Variants in TSC22D1 observed in about 807,000 individuals in gnomAD.
TSC22D1 encodes TSC22 domain family member 1.
TSC22D1 carries 9 observed loss-of-function variants against 74.2 expected under a neutral mutation model. That is an observed-to-expected ratio of 0.12 (90% confidence interval 0.07 to 0.21). The LOEUF (loss-of-function observed/expected upper bound fraction) is 0.21, where lower values mean the gene tolerates loss of function less well. Among genes scored for constraint, TSC22D1 ranks in the 10% least tolerant of loss-of-function variants. The probability of loss-of-function intolerance (pLI) is 1.00; values close to 1 mark genes in which losing one functional copy is unlikely to be tolerated. For synonymous variants in TSC22D1, 586 were observed against 492.5 expected (o/e 1.19, Z -2.51); for missense variants, 1,427 against 1,304.7 (o/e 1.09, Z -1.44).
intron 1 of TSC22D1, among the ~76,000 whole-genome samples, chr13:44,507,877 C>T (rs746411625): frequency 6.6e-6 from 1 of 152,252 alleles, no homozygotes; most frequent in East Asian, 1.9e-4. Context: ...AGATATAAGG[C>T]ACTACGACAG....
chr13:44,523,397 T>C (rs555006457), intron 1 of TSC22D1, among the ~76,000 whole-genome samples: 9 of 152,318 alleles, frequency 5.9e-5, no homozygotes, highest in Admixed American at 2.0e-4. Flanking sequence ...GCAACCAAGC[T>C]GTCCTTCATT....
At position 44,576,050 on chromosome 13, in the gene TSC22D1, C is replaced by T; in HGVS notation, c.25G>A (p.Ala9Thr). ...ATGTCTGCAGCGGCGGCGGCCGCGG[C>T]GGTGGACTCAGGCGGCTGGTGCATT... MHQPPEST[A>T]AAAAAADISA... Residue 9 changes from alanine to threonine, a missense_variant, in exon 1 of 3, where the codon GCC becomes ACC. By Grantham distance (58) the Ala-to-Thr change is moderately conservative (BLOSUM62 0). Around this residue, in one of 3 missense-constraint regions of TSC22D1, gnomAD observed 1,343 missense variants for 1,191.5 expected, o/e 1.13. Coordinates refer to ENST00000458659, the MANE Select transcript of TSC22D1 (RefSeq NM_183422.4). 1.3e-6 allele frequency: 2 copies of T among 1,568,366 alleles called. No homozygotes were observed. The highest frequency in any genetic ancestry group is 1.3e-5 in the African/African-American group (1 of 74,200).
At chr13:44,537,887 ATAT>A in intron 1 of TSC22D1, 1 of 985,178 alleles carries the variant, frequency 1.0e-6, no homozygotes, top group Non-Finnish European at 1.2e-6. Flanking sequence ...AGCTGCTTCC[ATAT>A]TAATAACTCT....
At chr13:44,534,856 A>C (rs1420045242) in intron 1 of TSC22D1, among the ~76,000 whole-genome samples, 1 of 152,170 alleles carries the variant, frequency 6.6e-6, no homozygotes, top group Non-Finnish European at 1.5e-5. Flanking sequence ...ATCTGCAAAA[A>C]TTTTGCCAAA....
intron 1 of TSC22D1, among the ~76,000 whole-genome samples, chr13:44,551,389 G>GGTGGGTGGGTGTGT (rs1298469090): frequency 3.2e-5 from 4 of 125,252 alleles, no homozygotes; most frequent in African/African-American, 9.4e-5. Flanking sequence ...CAATCAGATG[G>GGTGGGTGGGTGTGT]GTGTGTGTGT....
chr13:44,466,036 CTGTT>C (rs1242776232), intron 1 of TSC22D1, among the ~76,000 whole-genome samples: 2 of 152,130 alleles, frequency 1.3e-5, no homozygotes, highest in East Asian at 1.9e-4. Flanking sequence ...GCAAATAAGA[CTGTT>C]TGTTCATTTT....
Position 44,447,385 on chromosome 13 carries a change from G to A in TSC22D1, c.2913-11290C>T, listed in dbSNP as rs117410494. Among the ~76,000 whole-genome samples the A allele has an allele frequency of 8.0e-3, 1,217 of 152,028 alleles. 4 individuals carry two copies. The highest frequency in any genetic ancestry group is 0.013 in the Non-Finnish European group (874 of 67,962). On this transcript the variant is annotated intron_variant, in intron 1 of 2. Transcript: ENST00000458659. ...GCAAGGACTTAAATATATTCATTGA[G>A]GAGACCTAAAAATGCCTATTTTATA...
intron 1 of TSC22D1, among the ~76,000 whole-genome samples, chr13:44,563,104 CAA>C (rs771465488): frequency 6.6e-5 from 8 of 121,000 alleles, no homozygotes; most frequent in African/African-American, 1.2e-4. Context: ...AACTCCATCT[CAA>C]AAAAAAAAAA....
intron 1 of TSC22D1, among the ~76,000 whole-genome samples, chr13:44,561,986 A>G (rs1300882142): frequency 6.6e-6 from 1 of 152,178 alleles, no homozygotes; most frequent in Non-Finnish European, 1.5e-5. Flanking sequence ...TCTTTCAGAT[A>G]CCTAAGAGAT....
intron 1 of TSC22D1, among the ~76,000 whole-genome samples, chr13:44,465,486 G>A (rs60560319): frequency 0.099 from 15,069 of 152,172 alleles, 783 homozygotes; most frequent in Non-Finnish European, 0.11. Context: ...TCAGGCTCAT[G>A]CCTCAGAGAT....
intron 1 of TSC22D1, among the ~76,000 whole-genome samples, chr13:44,448,468 A>T (rs1438339853): frequency 6.6e-6 from 1 of 152,170 alleles, no homozygotes; most frequent in African/African-American, 2.4e-5. Context: ...TTGTATTTAC[A>T]ACGGTAAAGA....
At chr13:44,455,847 G>C (rs1225837516) in intron 1 of TSC22D1, among the ~76,000 whole-genome samples, 1 of 152,108 alleles carries the variant, frequency 6.6e-6, no homozygotes, top group African/African-American at 2.4e-5. Flanking sequence ...AAATGCATAA[G>C]GATAGAGTAA....
At chr13:44,526,289 G>A (rs1472115599) in intron 1 of TSC22D1, among the ~76,000 whole-genome samples, 1 of 151,840 alleles carries the variant, frequency 6.6e-6, no homozygotes, top group Non-Finnish European at 1.5e-5. Context: ...AAAAAGTAGA[G>A]AACATGTTAA....
At chr13:44,534,466 T>C (rs899161134) in intron 1 of TSC22D1, among the ~76,000 whole-genome samples, 1 of 152,064 alleles carries the variant, frequency 6.6e-6, no homozygotes, top group Non-Finnish European at 1.5e-5. Context: ...TATCCTTTAT[T>C]GAGTAAATTA....
intron 1 of TSC22D1, among the ~76,000 whole-genome samples, chr13:44,520,386 T>C (rs1880255635): frequency 6.6e-6 from 1 of 152,120 alleles, no homozygotes; most frequent in Non-Finnish European, 1.5e-5. Context: ...CCACTTGATC[T>C]ACTAATAACC....
intron 1 of TSC22D1, among the ~76,000 whole-genome samples, chr13:44,489,558 G>C (rs929496290): frequency 1.3e-5 from 2 of 151,740 alleles, no homozygotes; most frequent in Non-Finnish European, 2.9e-5. Context: ...GAGAACACTG[G>C]CTCATGCCTA....
In TSC22D1 at chr13:44,539,486, AAATGG is replaced by A. The variant is rs767765740; in HGVS notation, c.2912+33672_2912+33676del. 8.1e-6 allele frequency: 8 copies of A among 985,288 alleles called. No homozygotes were observed. The East Asian group carries it at 5.7e-4, about 70-fold the overall frequency. The allele number at this position is 985,288 out of a possible 1,614,324, so 61.0% of individuals were successfully genotyped here. The stretch of plus-strand genomic sequence containing the variant: ...AAGTCCACTAATACCACAAAGGCCA[AAATGG>A]GTAGATATTCCCGTTTTAAAATTCC... On this transcript the variant is annotated intron_variant, in intron 1 of 2. Coordinates refer to ENST00000458659, the MANE Select transcript of TSC22D1 (RefSeq NM_183422.4).
chr13:44,525,544 G>A (rs1049662067), intron 1 of TSC22D1, among the ~76,000 whole-genome samples: 1 of 152,100 alleles, frequency 6.6e-6, no homozygotes, highest in Non-Finnish European at 1.5e-5. Context: ...AGCCATGATC[G>A]TGCCACTGCA....
At chr13:44,465,199 A>C (rs1877201550) in intron 1 of TSC22D1, among the ~76,000 whole-genome samples, 1 of 152,206 alleles carries the variant, frequency 6.6e-6, no homozygotes, top group Non-Finnish European at 1.5e-5. Flanking sequence ...ACCTTGACCT[A>C]ATATGGAAAT....
Sources: allele counts gnomAD v4.1 joint callset (sites outside exome capture counted in the v4.1 genomes callset), GRCh38; gene constraint gnomAD v4.1.1; regional missense constraint gnomAD v4.1.1; transcripts MANE v1.5; gene names NCBI Gene and HGNC (gene_info 2026-07-23, HGNC 2026-07-21).